The following CEP295 variants were observed in gnomAD, a reference collection of about 807,000 sequenced individuals.
The protein encoded by CEP295 is centrosomal protein 295.
A neutral mutation model predicts 291.6 loss-of-function variants in CEP295; 190 were observed. The observed-to-expected ratio is 0.65, with a 90% CI of 0.58 to 0.73. CEP295 has a LOEUF of 0.73. CEP295 is among the 30% of genes least tolerant of loss of function. CEP295 has a pLI of 0.00. For missense variants in CEP295, 2,863 were observed against 2,949.4 expected, an observed-to-expected ratio of 0.97 and a Z score of 0.68; for synonymous variants, 993 against 1,038.8, an observed-to-expected ratio of 0.96 and a Z score of 0.85.
chr11:93,690,729 CAAAAAAAAAAAA>C lies in CEP295; in HGVS notation c.1337-941_1337-930del, dbSNP rs10608060. ...TGGGCGACAAAATGAGACTCCGTCT[CAAAAAAAAAAAA>C]AAAAAAAAAAAAGATAAAGGGCCAA... On this transcript the variant is annotated intron_variant, in intron 10 of 29. Coordinates refer to ENST00000325212, the MANE Select transcript of CEP295 (RefSeq NM_033395.2). 1.6e-4 allele frequency among the ~76,000 whole-genome samples: 11 copies of C among 68,360 alleles called. No individual in the cohort carries two copies. In the East Asian group the frequency reaches 1.8e-3, roughly 11 times the overall value. 44.8% of individuals were successfully genotyped at this position (68,360 alleles called of 152,430 possible). A position where few individuals can be genotyped will look rare whatever the true frequency, so the allele number is the denominator to read the frequency against.
rs908172576 is a variant in CEP295 at position 93,667,694 on chromosome 11, G to C, written c.196G>C (p.Glu66Gln). ...TCAACAATTTACACGTTTGGCAGAG[G>C]AGCTAAGGGCAGAATGGGAAGAATC... is the stretch of plus-strand genomic sequence containing the variant. ...RNQQFTRLAEELRAEWEESQT... is the reference protein window; with the variant it reads ...RNQQFTRLAEQLRAEWEESQT... Residue 66 changes from glutamate (E) to glutamine (Q), a missense_variant, in exon 3 of 30, where the codon GAG becomes CAG. Glu to Gln is a conservative substitution (Grantham distance 29, BLOSUM62 2). Coordinates refer to ENST00000325212, the MANE Select transcript of CEP295 (RefSeq NM_033395.2). 6.4e-7 allele frequency: 1 copy of C among 1,551,426 alleles called. No individual in the cohort carries two copies. The highest frequency in any genetic ancestry group is 8.7e-7 in the Non-Finnish European group (1 of 1,146,770).
chr11:93,721,800 C>T (rs1292481548), intron 19 of CEP295, 154 bp from the exon 20 acceptor site: 1 of 720,024 alleles, frequency 1.4e-6, no homozygotes, highest in Admixed American at 1.9e-5. Flanking sequence ...CATTTCTGGG[C>T]AATGATGAAA....
chr11:93,719,908 G>A lies in CEP295; in HGVS notation c.5750-1404G>A, dbSNP rs972929605. ...GTGAGCTTTCTCACAAGTGTCAGTT[G>A]GTCACTTGGAATAAGAAGGAAAATA... On this transcript the variant is annotated intron_variant, in intron 18 of 29. Transcript: ENST00000325212. 3.3e-5 allele frequency among the ~76,000 whole-genome samples: 5 copies of A among 151,906 alleles called. 1 individual carries two copies. The highest frequency in any genetic ancestry group is 1.2e-4 in the African/African-American group (5 of 41,404).
chr11:93,701,402 T>G (rs1468018159), intron 15 of CEP295, among the ~76,000 whole-genome samples: 1 of 152,178 alleles, frequency 6.6e-6, no homozygotes, highest in African/African-American at 2.4e-5. Context: ...CTAAATTTAT[T>G]ATTTAGTCTA....
At chr11:93,728,583 A>G in intron 24 of CEP295, 98 bp from the exon 25 acceptor site, 1 of 1,051,142 alleles carries the variant, frequency 9.5e-7, no homozygotes, top group Non-Finnish European at 1.3e-6. Flanking sequence ...TTTCACATTT[A>G]TATACACTTG....
At chr11:93,719,114 T>C (rs940252496) in intron 18 of CEP295, among the ~76,000 whole-genome samples, 1 of 139,364 alleles carries the variant, frequency 7.2e-6, no homozygotes, top group Non-Finnish European at 1.6e-5. Flanking sequence ...TCAAAAAAAA[T>C]AAAGACAAAG....
chr11:93,691,816 T>G, intron 11 of CEP295, 41 bp downstream of exon 11: 7 of 1,346,500 alleles, frequency 5.2e-6, no homozygotes, highest in Non-Finnish European at 7.2e-6. Context: ...ATTTGACTCC[T>G]TGCATCTTTT....
At chr11:93,684,715 C>T (rs1317517209) in intron 9 of CEP295, among the ~76,000 whole-genome samples, 1 of 152,218 alleles carries the variant, frequency 6.6e-6, no homozygotes, top group Non-Finnish European at 1.5e-5. Flanking sequence ...TTCTGTCCAG[C>T]CTGCTGCCAC....
intron 18 of CEP295, among the ~76,000 whole-genome samples, chr11:93,716,314 A>T (rs1180264847): frequency 6.6e-6 from 1 of 152,144 alleles, no homozygotes; most frequent in East Asian, 1.9e-4. Context: ...TCCCCCAAGC[A>T]TACAGATTCT....
Position 93,711,263 on chromosome 11 carries a change from A to T in CEP295, c.5749+4366A>T, listed in dbSNP as rs61921273. ...AATAGCTATAAATTTCCCTCTTAGT[A>T]CTGCTTTTGCTGTATTTCATAAGTT... On this transcript the variant is annotated intron_variant, in intron 18 of 29. Coordinates refer to ENST00000325212, the MANE Select transcript of CEP295 (RefSeq NM_033395.2). Among the ~76,000 whole-genome samples the T allele has an allele frequency of 9.1e-3, 1,391 of 152,104 alleles. 11 individuals carry two copies. Among genetic ancestry groups the T allele is most frequent in the Non-Finnish European group, 0.013 (913 of 67,984 alleles).
At position 93,729,748 on chromosome 11, in the gene CEP295, C is replaced by T; in HGVS notation, c.7534C>T (p.Gln2512Ter). The T allele has an allele frequency of 6.5e-7, 1 of 1,548,410 alleles. No homozygotes were observed. The highest frequency in any genetic ancestry group is 1.2e-5 in the South Asian group (1 of 83,654). ...TAAAATTCATGTCTCTGAAAATTCTCAAATCAAAACAGTTAAAGAGAAACC... is the reference window on the plus strand; with the variant it reads ...TAAAATTCATGTCTCTGAAAATTCTTAAATCAAAACAGTTAAAGAGAAACC... ...RNKIHVSENS[Q>*]IKTVKEKPSI... Residue 2512 changes from glutamine to a stop codon, truncating the protein, a stop_gained, in exon 27 of 30, where the codon CAA (glutamine) becomes TAA (stop). Coordinates refer to ENST00000325212, the MANE Select transcript of CEP295 (RefSeq NM_033395.2). LOFTEE classifies it high-confidence loss of function.
chr11:93,706,314 A>G (rs2135185447), intron 17 of CEP295, among the ~76,000 whole-genome samples: 1 of 152,306 alleles, frequency 6.6e-6, no homozygotes, highest in South Asian at 2.1e-4. Flanking sequence ...TGTTTCATGT[A>G]AACACCACCA....
intron 1 of CEP295, among the ~76,000 whole-genome samples, chr11:93,662,294 G>A (rs1465026562): frequency 1.3e-5 from 2 of 152,186 alleles, no homozygotes; most frequent in African/African-American, 4.8e-5. Flanking sequence ...AAGACTTCAC[G>A]CTAAGTCACA....
intron 7 of CEP295, among the ~76,000 whole-genome samples, 192 bp downstream of exon 7, chr11:93,679,744 C>T (rs191921875): frequency 1.3e-5 from 2 of 152,088 alleles, no homozygotes; most frequent in Admixed American, 1.3e-4. Context: ...AGCTATTCTC[C>T]CAGTGTATTG....
intron 7 of CEP295, among the ~76,000 whole-genome samples, chr11:93,681,933 A>C (rs1048495216): frequency 2.0e-5 from 3 of 151,888 alleles, no homozygotes; most frequent in African/African-American, 7.3e-5. Flanking sequence ...GAGTTTTCCA[A>C]AGCCCTTGGA....
intron 1 of CEP295, among the ~76,000 whole-genome samples, chr11:93,663,353 T>C (rs1161067103): frequency 6.6e-6 from 1 of 152,134 alleles, no homozygotes; most frequent in Non-Finnish European, 1.5e-5. Flanking sequence ...TTTTATCAGC[T>C]CCCTCCCATT....
In CEP295 at chr11:93,729,709, A is replaced by G; in HGVS notation, c.7495A>G (p.Lys2499Glu). 6.4e-7 allele frequency: 1 copy of G among 1,550,396 alleles called. No homozygotes were observed. The highest frequency in any genetic ancestry group is 8.7e-7 in the Non-Finnish European group (1 of 1,145,904). ...TATGGAGAGATCCCACCAGAGGCAGAAAGAAATAAGGAATAAAATTCATGT... is the reference window on the plus strand; with the variant it reads ...TATGGAGAGATCCCACCAGAGGCAGGAAGAAATAAGGAATAAAATTCATGT... ...SFMERSHQRQKEIRNKIHVSE... is the reference protein window; with the variant it reads ...SFMERSHQRQEEIRNKIHVSE... Residue 2499 changes from lysine to glutamate, a missense_variant, in exon 27 of 30, where the codon AAA becomes GAA. Transcript: ENST00000325212.
At chr11:93,676,371 AT>A in intron 6 of CEP295, among the ~76,000 whole-genome samples, 1 of 151,952 alleles carries the variant, frequency 6.6e-6, no homozygotes. Context: ...AGAGTAACAA[AT>A]GATATATTGT....
chr11:93,700,770 T>G (rs1391685325), intron 15 of CEP295, among the ~76,000 whole-genome samples: 3 of 152,224 alleles, frequency 2.0e-5, no homozygotes, highest in Non-Finnish European at 2.9e-5. Context: ...TAATGTATTT[T>G]AAGCTTACCA....
Sources: gnomAD v4.1 joint callset for allele counts (sites outside exome capture counted in the v4.1 genomes callset) on GRCh38, gnomAD v4.1.1 for gene constraint, MANE v1.5 for transcripts, NCBI Gene and HGNC (gene_info 2026-07-23, HGNC 2026-07-21) for gene names.